Variants in SKOR1 observed in about 807,000 individuals in gnomAD.
SKOR1 encodes the protein SKI family transcriptional corepressor 1.
In SKOR1, 38 loss-of-function variants were observed where a neutral mutation model predicts 72.4. The ratio of observed to expected loss-of-function variants is 0.52; its 90% CI spans 0.40 to 0.69. SKOR1 has a LOEUF of 0.69. SKOR1 is among the 30% of genes least tolerant of loss of function. The pLI, the probability that SKOR1 is intolerant of heterozygous loss-of-function variation, is 0.00. For missense variants in SKOR1, 1,320 were observed against 1,343.2 expected (o/e 0.98, Z 0.27); for synonymous variants, 642 against 599.4 (o/e 1.07, Z -1.04).
At position 67,832,809 on chromosome 15, in the gene SKOR1, A is replaced by G; in HGVS notation, c.2737+128A>G. 1.3e-6 allele frequency: 1 copy of G among 771,170 alleles called. No homozygotes were observed. The highest frequency in any genetic ancestry group is 1.7e-5 in the South Asian group (1 of 57,984). 47.8% of individuals were successfully genotyped at this position (771,170 alleles called of 1,614,324 possible). On this transcript the variant is annotated intron_variant, in intron 7 of 8. Coordinates refer to ENST00000380035, the MANE Select transcript of SKOR1 (RefSeq NM_001365915.1). This position sits in a 1 kb window ranked among gnomAD's most constrained non-coding sequence, Gnocchi z 4.5. ...TTTAACAATTATTTTTTTATTTAATATGCTTTGTATACTCTGATTAGCCTC... is the reference window on the plus strand; with the variant it reads ...TTTAACAATTATTTTTTTATTTAATGTGCTTTGTATACTCTGATTAGCCTC...
intron 5 of SKOR1, 50 bp downstream of exon 5, chr15:67,830,939 G>A: frequency 1.9e-6 from 3 of 1,570,516 alleles, no homozygotes; most frequent in South Asian, 2.2e-5. Context: ...AGAGTGATGG[G>A]TCATTCCTGT....
Position 67,833,682 on chromosome 15 carries a change from C to T in SKOR1, c.2804-60C>T, listed in dbSNP as rs1313052794. 7.8e-6 allele frequency: 12 copies of T among 1,542,762 alleles called. No individual in the cohort carries two copies. The highest frequency in any genetic ancestry group is 2.2e-5 in the East Asian group (1 of 44,520). ...AAGGCCGGGGAGGGGAAAGGGTGGA[C>T]TGCGCGGTGAGGTGAGCCTGGAGAG... is the stretch of plus-strand genomic sequence containing the variant. On this transcript the variant is annotated intron_variant, in intron 8 of 8. Coordinates refer to ENST00000380035, the MANE Select transcript of SKOR1 (RefSeq NM_001365915.1). This position sits in a 1 kb window ranked among gnomAD's most constrained non-coding sequence, Gnocchi z 6.0.
rs1245789249 is a variant in SKOR1 at position 67,825,749 on chromosome 15, T to C, written c.107+40T>C. On this transcript the variant is annotated intron_variant, in intron 1 of 8. Coordinates refer to ENST00000380035, the MANE Select transcript of SKOR1 (RefSeq NM_001365915.1). The surrounding 1 kb of genome is among the most constrained non-coding windows in gnomAD (Gnocchi z 5.6). ...TTCTCCTCCCCCAAGCCCCGGGGGC[T>C]GTTGTTAACGGCGCCAACATGGGTC... The C allele has an allele frequency of 1.9e-6, 2 of 1,026,524 alleles. No individual in the cohort carries two copies. Among genetic ancestry groups the C allele is most frequent in the Admixed American group, 2.0e-5 (1 of 50,636 alleles). The allele number at this position is 1,026,524 out of a possible 1,614,324, so 63.6% of individuals were successfully genotyped here.
chr15:67,833,935 C>T lies in SKOR1; in HGVS notation c.*99C>T, dbSNP rs1157778907. The T allele has an allele frequency of 1.5e-6, 2 of 1,329,886 alleles. No homozygotes were observed. Among genetic ancestry groups the T allele is most frequent in the Non-Finnish European group, 2.1e-6 (2 of 939,548 alleles). The allele number at this position is 1,329,886 out of a possible 1,614,324, so 82.4% of individuals were successfully genotyped here. A position where few individuals can be genotyped will look rare whatever the true frequency, so the allele number is the denominator to read the frequency against. On this transcript the variant is annotated 3_prime_UTR_variant, in exon 9 of 9. Transcript: ENST00000380035. This position sits in a 1 kb window ranked among gnomAD's most constrained non-coding sequence, Gnocchi z 6.0. ...GAGCGAGGAACAAGCCATTCGGACC[C>T]GACCGATGTAAATACAGCCGCCCGT... is the stretch of plus-strand genomic sequence containing the variant.
Position 67,826,139 on chromosome 15 carries a change from C to G in SKOR1, c.311C>G (p.Ser104Cys). 6.2e-7 allele frequency: 1 copy of G among 1,607,740 alleles called. No individual in the cohort carries two copies. Among genetic ancestry groups the G allele is most frequent in the Non-Finnish European group, 8.5e-7 (1 of 1,175,366 alleles). The change falls in exon 2 of 9, where the codon TCC becomes TGC. Residue 104 changes from serine to cysteine, a missense_variant. Physicochemically the swap from Ser to Cys is moderately radical, Grantham distance 112 (BLOSUM62 -1). Around this residue, in one of 3 missense-constraint regions of SKOR1, gnomAD observed 101 missense variants for 212.8 expected, o/e 0.47. Coordinates refer to ENST00000380035, the MANE Select transcript of SKOR1 (RefSeq NM_001365915.1). ...GAGCGCCTATGCCTGGCGCAGATCTCCAACACCCTCCTCAAGAACTACAGC... is the reference window on the plus strand; with the variant it reads ...GAGCGCCTATGCCTGGCGCAGATCTGCAACACCCTCCTCAAGAACTACAGC... ...GQERLCLAQI[S>C]NTLLKNYSYN... is the part of the protein sequence containing the mutation.
rs760218135 is a variant in SKOR1 at position 67,834,084 on chromosome 15, T to C, written c.*248T>C. ...GCGCCTCAAATCCCCCTACCCCGTGTGAACTCTAGGGCATCGGACCTCAAG... is the reference window on the plus strand; with the variant it reads ...GCGCCTCAAATCCCCCTACCCCGTGCGAACTCTAGGGCATCGGACCTCAAG... On this transcript the variant is annotated 3_prime_UTR_variant, in exon 9 of 9. Coordinates refer to ENST00000380035, the MANE Select transcript of SKOR1 (RefSeq NM_001365915.1). The surrounding 1 kb of genome is among the most constrained non-coding windows in gnomAD (Gnocchi z 5.8). 90 of 556,520 alleles carry C rather than the reference T, an allele frequency of 1.6e-4. No homozygotes were observed. Among genetic ancestry groups the C allele is most frequent in the Non-Finnish European group, 2.7e-4 (84 of 307,500 alleles). The allele number at this position is 556,520 out of a possible 1,614,324, so 34.5% of individuals were successfully genotyped here. A position where few individuals can be genotyped will look rare whatever the true frequency, so the allele number is the denominator to read the frequency against.
At position 67,827,982 on chromosome 15, in the gene SKOR1, C is replaced by A; in HGVS notation, c.2154C>A (p.Arg718=). 1 of 1,539,136 alleles carries A rather than the reference C, an allele frequency of 6.5e-7. No individual in the cohort carries two copies. Among genetic ancestry groups the A allele is most frequent in the Non-Finnish European group, 8.7e-7 (1 of 1,144,728 alleles). ...PANSPDGGSP[R]PRRRLGPPPA... is the part of the protein sequence containing the mutation. ...ACTCTCCCGACGGCGGCAGCCCCCG[C>A]CCCCGGCGCCGCCTCGGGCCACCCC... The change falls in exon 2 of 9, where the codon CGC becomes CGA. Residue 718 remains arginine (R), a synonymous_variant. Transcript: ENST00000380035.
At position 67,833,060 on chromosome 15, in the gene SKOR1, C is replaced by T; in HGVS notation, c.2738-132C>T. The T allele has an allele frequency of 1.1e-6, 1 of 888,416 alleles. No individual in the cohort carries two copies. The allele number at this position is 888,416 out of a possible 1,614,324, so 55.0% of individuals were successfully genotyped here. ...CAGTCTGCAGTTAGGAGCTCCGGTA[C>T]CCCCTCCCCCATCCCTGGAGTTGTT... On this transcript the variant is annotated intron_variant, in intron 7 of 8. Transcript: ENST00000380035. This position sits in a 1 kb window ranked among gnomAD's most constrained non-coding sequence, Gnocchi z 6.0.
intron 2 of SKOR1, among the ~76,000 whole-genome samples, 156 bp from the exon 3 acceptor site, chr15:67,829,023 T>A (rs2090987634): frequency 6.6e-6 from 1 of 151,918 alleles, no homozygotes; most frequent in Non-Finnish European, 1.5e-5. Flanking sequence ...GGGGCAAGGG[T>A]GCGCCGCGTG....
chr15:67,832,217 G>A lies in SKOR1; in HGVS notation c.2588-57G>A. On this transcript the variant is annotated intron_variant, in intron 5 of 8. Transcript: ENST00000380035. The surrounding 1 kb of genome is among the most constrained non-coding windows in gnomAD (Gnocchi z 4.5). ...GGTTGTTGGCCAAGGCAGAACCTGA[G>A]CTCCAAATAACCCTGCTTTACCTCC... is the stretch of plus-strand genomic sequence containing the variant. 6.4e-7 allele frequency: 1 copy of A among 1,550,402 alleles called. No individual in the cohort carries two copies. The highest frequency in any genetic ancestry group is 8.9e-7 in the Non-Finnish European group (1 of 1,123,394).
At position 67,828,010 on chromosome 15, in the gene SKOR1, GC is replaced by G. The variant is rs2090978742; in HGVS notation, c.2183del (p.Ala728ValfsTer38). 1.3e-6 allele frequency: 2 copies of G among 1,539,840 alleles called. No individual in the cohort carries two copies. Among genetic ancestry groups the G allele is most frequent in the African/African-American group, 2.8e-5 (2 of 72,386 alleles). ...RPRRRLGPPP[A>X]GRPAFGDLAA... is the part of the protein sequence containing the mutation. ...CCGGCGCCGCCTCGGGCCACCCCCAGCTGGCCGGCCCGCATTTGGGGACTTG... is the reference window on the plus strand; with the variant it reads ...CCGGCGCCGCCTCGGGCCACCCCCAGTGGCCGGCCCGCATTTGGGGACTTG... On this transcript the variant is annotated frameshift_variant, in exon 2 of 9. Coordinates refer to ENST00000380035, the MANE Select transcript of SKOR1 (RefSeq NM_001365915.1). LOFTEE classifies it high-confidence loss of function.
chr15:67,828,017 G>C lies in SKOR1; in HGVS notation c.2189G>C (p.Arg730Pro), dbSNP rs1215580037. 6.5e-7 allele frequency: 1 copy of C among 1,539,752 alleles called. No homozygotes were observed. Among genetic ancestry groups the C allele is most frequent in the African/African-American group, 1.4e-5 (1 of 72,448 alleles). ...RRRLGPPPAG[R>P]PAFGDLAAED... ...CGCCTCGGGCCACCCCCAGCTGGCC[G>C]GCCCGCATTTGGGGACTTGGCAGCC... The change falls in exon 2 of 9, where the codon CGG (arginine) becomes CCG (proline). Residue 730 changes from arginine to proline, a missense_variant. By Grantham distance (103) the Arg-to-Pro change is moderately radical. This residue lies in a region of SKOR1 where 1,099 missense variants were observed against 1,025.5 expected (regional missense o/e 1.07). Coordinates refer to ENST00000380035, the MANE Select transcript of SKOR1 (RefSeq NM_001365915.1).
chr15:67,827,971 G>C lies in SKOR1; in HGVS notation c.2143G>C (p.Gly715Arg). Residue 715 changes from glycine to arginine, a missense_variant, in exon 2 of 9, where the codon GGC becomes CGC. Coordinates refer to ENST00000380035, the MANE Select transcript of SKOR1 (RefSeq NM_001365915.1). ...ADGPANSPDG[G>R]SPRPRRRLGP... ...CGGTCCCGCAAACTCTCCCGACGGC[G>C]GCAGCCCCCGCCCCCGGCGCCGCCT... 6.5e-7 allele frequency: 1 copy of C among 1,542,392 alleles called. No individual in the cohort carries two copies. Among genetic ancestry groups the C allele is most frequent in the Non-Finnish European group, 8.7e-7 (1 of 1,146,404 alleles).
Position 67,828,116 on chromosome 15 carries a change from G to A in SKOR1, c.2288G>A (p.Gly763Glu). The change falls in exon 2 of 9, where the codon GGG becomes GAG. Residue 763 changes from glycine (G) to glutamate (E), a missense_variant. This residue lies in a region of SKOR1 where 1,099 missense variants were observed against 1,025.5 expected (regional missense o/e 1.07). Coordinates refer to ENST00000380035, the MANE Select transcript of SKOR1 (RefSeq NM_001365915.1). ...GGGYELREPC[G>E]PLGGPAPAKV... The stretch of plus-strand genomic sequence containing the variant: ...GGCTACGAGCTGCGAGAGCCTTGCG[G>A]GCCCCTAGGAGGCCCCGCGCCGGCC... The A allele has an allele frequency of 6.6e-7, 1 of 1,513,526 alleles. No homozygotes were observed. Among genetic ancestry groups the A allele is most frequent in the Non-Finnish European group, 8.8e-7 (1 of 1,137,472 alleles). 93.8% of individuals were successfully genotyped at this position (1,513,526 alleles called of 1,614,324 possible).
rs1229235641 is a variant in SKOR1, at chr15:67,825,699, G to T, written c.97G>T (p.Ala33Ser). The change falls in exon 1 of 9, where the codon GCA becomes TCA. Residue 33 changes from alanine (A) to serine (S), a missense_variant. Ala to Ser is a moderately conservative substitution (Grantham distance 99). Coordinates refer to ENST00000380035, the MANE Select transcript of SKOR1 (RefSeq NM_001365915.1). This position sits in a 1 kb window ranked among gnomAD's most constrained non-coding sequence, Gnocchi z 5.6. ...CGGGATTGGGTTCCTTGCAGCCCGG[G>T]CATTCCTGAGGTCTCCTTTACCCCT... ...ENGIGFLAAR[A>S]FLRSGGMEAL... 1 of 750,778 alleles carries T rather than the reference G, an allele frequency of 1.3e-6. No individual in the cohort carries two copies. The highest frequency in any genetic ancestry group is 2.4e-6 in the Non-Finnish European group (1 of 414,674). 46.5% of individuals were successfully genotyped at this position (750,778 alleles called of 1,614,324 possible).
chr15:67,825,546 C>G lies in SKOR1; in HGVS notation c.-57C>G. ...TCAGGACCCGGGCCGGCAGCACCGG[C>G]TGCGAGGGTTGCCGAAGGCGCACGG... is the stretch of plus-strand genomic sequence containing the variant. On this transcript the variant is annotated 5_prime_UTR_variant, in exon 1 of 9. Coordinates refer to ENST00000380035, the MANE Select transcript of SKOR1 (RefSeq NM_001365915.1). This position sits in a 1 kb window ranked among gnomAD's most constrained non-coding sequence, Gnocchi z 5.6. 1.4e-6 allele frequency: 1 copy of G among 722,892 alleles called. No individual in the cohort carries two copies. Among genetic ancestry groups the G allele is most frequent in the Non-Finnish European group, 2.6e-6 (1 of 387,840 alleles). 44.8% of individuals were successfully genotyped at this position (722,892 alleles called of 1,614,324 possible).
In SKOR1 at chr15:67,833,679, G is replaced by A; in HGVS notation, c.2804-63G>A. 1.3e-6 allele frequency: 2 copies of A among 1,523,606 alleles called. No individual in the cohort carries two copies. The highest frequency in any genetic ancestry group is 2.3e-5 in the East Asian group (1 of 44,412). The allele number at this position is 1,523,606 out of a possible 1,614,324, so 94.4% of individuals were successfully genotyped here. ...GGTAAGGCCGGGGAGGGGAAAGGGT[G>A]GACTGCGCGGTGAGGTGAGCCTGGA... On this transcript the variant is annotated intron_variant, in intron 8 of 8. Transcript: ENST00000380035. The surrounding 1 kb of genome is among the most constrained non-coding windows in gnomAD (Gnocchi z 6.0).
Position 67,833,306 on chromosome 15 carries a change from T to C in SKOR1, c.2803+49T>C. ...TAGGAGGGGTGCTGGGTGCCGGCCG[T>C]GCTGTCGACTGAATGAATGAATAGT... On this transcript the variant is annotated intron_variant, in intron 8 of 8. Coordinates refer to ENST00000380035, the MANE Select transcript of SKOR1 (RefSeq NM_001365915.1). The surrounding 1 kb of genome is among the most constrained non-coding windows in gnomAD (Gnocchi z 6.0). The C allele has an allele frequency of 6.3e-7, 1 of 1,582,670 alleles. No homozygotes were observed. The highest frequency in any genetic ancestry group is 1.3e-5 in the African/African-American group (1 of 74,380).
In SKOR1 at chr15:67,826,751, G is replaced by C. The variant is rs775783646; in HGVS notation, c.923G>C (p.Gly308Ala). Residue 308 changes from glycine (G) to alanine (A), a missense_variant, in exon 2 of 9, where the codon GGT (glycine) becomes GCT (alanine). This residue lies in a region of SKOR1 where 1,099 missense variants were observed against 1,025.5 expected (regional missense o/e 1.07). Transcript: ENST00000380035. ...GKGGAGGGGG[G>A]GPGCGAEMAP... Reference sequence around the variant, plus strand: ...GGTGGTGCTGGCGGCGGTGGCGGCGGTGGCCCAGGGTGCGGTGCAGAGATG... The same window carrying C: ...GGTGGTGCTGGCGGCGGTGGCGGCGCTGGCCCAGGGTGCGGTGCAGAGATG... The C allele has an allele frequency of 1.3e-6, 2 of 1,535,970 alleles. No individual in the cohort carries two copies. The highest frequency in any genetic ancestry group is 1.4e-5 in the African/African-American group (1 of 72,934).
Sources: gnomAD v4.1 joint callset for allele counts (sites outside exome capture counted in the v4.1 genomes callset) on GRCh38, gnomAD v4.1.1 for gene constraint, gnomAD v4.1.1 regional missense constraint, Gnocchi (gnomAD v3.1) non-coding constraint, MANE v1.5 for transcripts, NCBI Gene and HGNC (gene_info 2026-07-23, HGNC 2026-07-21) for gene names.